GAREM1: variants seen among roughly 807,000 people sequenced by gnomAD.
GAREM1 encodes GRB2 associated regulator of MAPK1 subtype 1.
In GAREM1, 26 loss-of-function variants were observed where a neutral mutation model predicts 71.3. The ratio of observed to expected loss-of-function variants is 0.36; its 90% CI spans 0.27 to 0.51. The LOEUF is 0.51. GAREM1 is among the 20% of genes least tolerant of loss of function. The pLI is 0.95. For missense variants in GAREM1, 1,026 were observed against 1,103.1 expected (o/e 0.93, Z 0.99); for synonymous variants, 440 against 433.2 (o/e 1.02, Z -0.20).
chr18:32,395,854 C>G (rs1183121141), intron 1 of GAREM1, among the ~76,000 whole-genome samples: 1 of 152,184 alleles, frequency 6.6e-6, no homozygotes, highest in Admixed American at 6.5e-5. Context: ...TGAGAATGGA[C>G]AGACTGCCTC....
chr18:32,445,182 C>T (rs1221149725), intron 1 of GAREM1, among the ~76,000 whole-genome samples: 1 of 152,130 alleles, frequency 6.6e-6, no homozygotes. Context: ...CACAAACCTG[C>T]TCTTTGATTT....
At chr18:32,376,168 T>G (rs570900121) in intron 2 of GAREM1, among the ~76,000 whole-genome samples, 1 of 152,324 alleles carries the variant, frequency 6.6e-6, no homozygotes, top group East Asian at 1.9e-4. Flanking sequence ...CAAATTTACA[T>G]ATAACATTTA....
chr18:32,420,032 C>T (rs74887940), intron 1 of GAREM1, among the ~76,000 whole-genome samples: 4,917 of 152,232 alleles, frequency 0.032, 107 homozygotes, highest in Non-Finnish European at 0.047. Flanking sequence ...GAACACACTC[C>T]ACAGGCTCTG....
intron 3 of GAREM1, among the ~76,000 whole-genome samples, chr18:32,299,513 CAAAAAA>C (rs57549959): frequency 1.4e-5 from 1 of 69,330 alleles, no homozygotes; most frequent in Non-Finnish European, 3.0e-5. Flanking sequence ...GACCCCATCT[CAAAAAA>C]AAAAAAAAAA....
Position 32,268,616 on chromosome 18 carries a change from T to A in GAREM1, c.1886A>T (p.His629Leu), listed in dbSNP as rs200151944. The change falls in exon 6 of 6, where the codon CAT becomes CTT. Residue 629 changes from histidine to leucine, a missense_variant. Physicochemically the swap from His to Leu is moderately conservative, Grantham distance 99. Coordinates refer to ENST00000269209, the MANE Select transcript of GAREM1 (RefSeq NM_001242409.2). ...CTGGCTTTCTGATGCTCCTGAATAA[T>A]GGTTAGGCCATGAGAGCCGAGAGGA... Reference protein sequence around the residue: ...AVSSRLSWPNHYSGASESQTR... With the variant: ...AVSSRLSWPNLYSGASESQTR... 1 of 1,614,080 alleles carries A rather than the reference T, an allele frequency of 6.2e-7. No individual in the cohort carries two copies. Among genetic ancestry groups the A allele is most frequent in the South Asian group, 1.1e-5 (1 of 91,076 alleles).
intron 2 of GAREM1, among the ~76,000 whole-genome samples, chr18:32,359,196 T>C (rs896049940): frequency 6.6e-6 from 1 of 152,212 alleles, no homozygotes; most frequent in Non-Finnish European, 1.5e-5. Flanking sequence ...TTATAATTAA[T>C]AAAAGAAAAC....
In GAREM1 at chr18:32,328,756, C is replaced by T. The variant is rs115468933; in HGVS notation, c.263-18433G>A. Among the ~76,000 whole-genome samples, 1,022 of 152,210 alleles carry T rather than the reference C, an allele frequency of 6.7e-3. 18 individuals are homozygous for T. The highest frequency in any genetic ancestry group is 0.023 in the African/African-American group (968 of 41,502). ...AAAAATGAATTCCTACCTGATACCA[C>T]TTAGGGGCAGGGAAGGACTTCAGAA... is the stretch of plus-strand genomic sequence containing the variant. On this transcript the variant is annotated intron_variant, in intron 2 of 5. Transcript: ENST00000269209.
chr18:32,412,675 G>A, intron 1 of GAREM1: 1 of 1,489,412 alleles, frequency 6.7e-7, no homozygotes. Flanking sequence ...TTCACAGTAT[G>A]GTATTTCTGA....
At chr18:32,443,106 T>C (rs16963373) in intron 1 of GAREM1, among the ~76,000 whole-genome samples, 14,447 of 152,060 alleles carry the variant, frequency 0.095, 827 homozygotes, top group African/African-American at 0.16. Context: ...GAAACACAGA[T>C]AACTCTCATT....
At chr18:32,354,712 A>C (rs1343043208) in intron 2 of GAREM1, among the ~76,000 whole-genome samples, 2 of 152,202 alleles carry the variant, frequency 1.3e-5, no homozygotes, top group African/African-American at 2.4e-5. Flanking sequence ...GGTGTGGCTG[A>C]GGTCATGAAG....
intron 2 of GAREM1, among the ~76,000 whole-genome samples, chr18:32,344,711 T>C (rs558424922): frequency 6.6e-6 from 1 of 152,312 alleles, no homozygotes; most frequent in African/African-American, 2.4e-5. Flanking sequence ...TATGTATTTA[T>C]ATAAAATTTG....
At chr18:32,316,362 C>T (rs909549105) in intron 2 of GAREM1, among the ~76,000 whole-genome samples, 2 of 152,152 alleles carry the variant, frequency 1.3e-5, no homozygotes, top group Non-Finnish European at 2.9e-5. Context: ...TTCAGATCAT[C>T]CTGGAAGATT....
chr18:32,301,211 A>G (rs2047198378), intron 3 of GAREM1, among the ~76,000 whole-genome samples: 1 of 152,194 alleles, frequency 6.6e-6, no homozygotes, highest in South Asian at 2.1e-4. Flanking sequence ...TATCTTTAAC[A>G]CTGCTTCAAG....
At position 32,393,196 on chromosome 18, in the gene GAREM1, TA is replaced by T. The variant is rs764232623; in HGVS notation, c.122-162del. ...CTCTGAATTGTTTTTTTTTTTTTTTTAAAAAAGGGTATTCCACACCAAGCTG... is the reference window on the plus strand; with the variant it reads ...CTCTGAATTGTTTTTTTTTTTTTTTTAAAAAGGGTATTCCACACCAAGCTG... On this transcript the variant is annotated intron_variant, in intron 1 of 5. Coordinates refer to ENST00000269209, the MANE Select transcript of GAREM1 (RefSeq NM_001242409.2). Among the ~76,000 whole-genome samples, 425 of 145,018 alleles carry T rather than the reference TA, an allele frequency of 2.9e-3. 4 individuals are homozygous for T. The highest frequency in any genetic ancestry group is 0.011 in the African/African-American group (401 of 38,144).
In GAREM1 at chr18:32,363,987, CATATATACATATATATATAT is replaced by C. The variant is rs1266331078; in HGVS notation, c.262+28888_262+28907del. Reference sequence around the variant, plus strand: ...ATATACATACACAAATACATAAATACATATATACATATATATATATATATATATATATATATATATGTTTT... The same window carrying C: ...ATATACATACACAAATACATAAATACATATATATATATATATATATGTTTT... On this transcript the variant is annotated intron_variant, in intron 2 of 5. Transcript: ENST00000269209. Among the ~76,000 whole-genome samples, 10 of 27,090 alleles carry C rather than the reference CATATATACATATATATATAT, an allele frequency of 3.7e-4. 1 individual carries two copies. Among genetic ancestry groups the C allele is most frequent in the African/African-American group, 8.2e-4 (7 of 8,570 alleles). The allele number at this position is 27,090 out of a possible 152,430, so 17.8% of individuals were successfully genotyped here. A position where few individuals can be genotyped will look rare whatever the true frequency, so the allele number is the denominator to read the frequency against.
At position 32,373,344 on chromosome 18, in the gene GAREM1, T is replaced by C. The variant is rs550735775; in HGVS notation, c.262+19551A>G. On this transcript the variant is annotated intron_variant, in intron 2 of 5. Transcript: ENST00000269209. ...CCATTTGGGAGGAGGGATTTCTTTC[T>C]ACCACTACCCTAAGCTGATGAATGT... Among the ~76,000 whole-genome samples the C allele has an allele frequency of 6.5e-4, 99 of 152,308 alleles. 1 individual carries two copies. Among genetic ancestry groups the C allele is most frequent in the African/African-American group, 2.2e-3 (93 of 41,574 alleles).
chr18:32,320,030 T>C (rs1338567247), intron 2 of GAREM1, among the ~76,000 whole-genome samples: 1 of 152,208 alleles, frequency 6.6e-6, no homozygotes, highest in East Asian at 1.9e-4. Flanking sequence ...AATGCCTAAA[T>C]GAGGAATTGC....
chr18:32,362,958 T>C (rs1567979853), intron 2 of GAREM1, among the ~76,000 whole-genome samples: 1 of 152,242 alleles, frequency 6.6e-6, no homozygotes, highest in Non-Finnish European at 1.5e-5. Flanking sequence ...ATATGTCAAG[T>C]ATATAATTTA....
chr18:32,387,700 A>G (rs2048161699), intron 2 of GAREM1, among the ~76,000 whole-genome samples: 1 of 152,214 alleles, frequency 6.6e-6, no homozygotes, highest in Admixed American at 6.5e-5. Context: ...ATTTTCCCAA[A>G]GCACATCTAG....
Sources: allele counts gnomAD v4.1 joint callset (sites outside exome capture counted in the v4.1 genomes callset), GRCh38; gene constraint gnomAD v4.1.1; transcripts MANE v1.5; gene names NCBI Gene and HGNC (gene_info 2026-07-23, HGNC 2026-07-21).